The following CTNNA2 variants were observed in gnomAD, a reference collection of about 807,000 sequenced individuals.
The protein encoded by CTNNA2 is catenin alpha 2, also known as catenin alpha-2.
Under a neutral mutation model 101.0 loss-of-function variants are expected in CTNNA2, and 42 were observed. That is an observed-to-expected ratio of 0.42 (90% CI 0.32 to 0.54). CTNNA2 has a LOEUF of 0.54. CTNNA2 is among the 20% of genes least tolerant of loss of function. The pLI is 0.14. For synonymous variants in CTNNA2, 450 were observed against 456.4 expected, an observed-to-expected ratio of 0.99 and a Z score of 0.18; for missense variants, 871 against 1,223.1, an observed-to-expected ratio of 0.71 and a Z score of 4.29.
intron 7 of CTNNA2, among the ~76,000 whole-genome samples, chr2:80,295,519 G>A (rs529114221): frequency 6.6e-6 from 1 of 152,296 alleles, no homozygotes; most frequent in South Asian, 2.1e-4. Context: ...TGGAGGAATA[G>A]GAATTCAGGG....
At chr2:80,430,415 T>G (rs28610945) in intron 9 of CTNNA2, among the ~76,000 whole-genome samples, 22,313 of 152,108 alleles carry the variant, frequency 0.15, 2,516 homozygotes, top group East Asian at 0.61. Context: ...TCAAGGAAAC[T>G]AAAAGTAGCC....
intron 4 of CTNNA2, among the ~76,000 whole-genome samples, chr2:79,406,247 A>G (rs1322736907): frequency 6.6e-6 from 1 of 152,106 alleles, no homozygotes; most frequent in Non-Finnish European, 1.5e-5. Flanking sequence ...AGCGGCCTGA[A>G]GTTCAGAGTA....
At chr2:79,279,044 G>A (rs1050817920) in intron 2 of CTNNA2, among the ~76,000 whole-genome samples, 2 of 152,104 alleles carry the variant, frequency 1.3e-5, no homozygotes, top group Admixed American at 1.3e-4. Flanking sequence ...TGGAGAGATG[G>A]AACAGGGATT....
intron 1 of CTNNA2, among the ~76,000 whole-genome samples, chr2:79,591,877 T>G: frequency 6.6e-6 from 1 of 151,176 alleles, no homozygotes; most frequent in East Asian, 1.9e-4. Flanking sequence ...GAAGCTGTTT[T>G]ATTTTATCGG....
chr2:79,384,275 A>G (rs1678072169), intron 4 of CTNNA2, among the ~76,000 whole-genome samples: 1 of 152,164 alleles, frequency 6.6e-6, no homozygotes, highest in African/African-American at 2.4e-5. Flanking sequence ...TGAATCTTCT[A>G]GCGCTTTCAC....
intron 1 of CTNNA2, among the ~76,000 whole-genome samples, chr2:79,514,348 C>A (rs1214721903): frequency 6.6e-6 from 1 of 152,130 alleles, no homozygotes; most frequent in Non-Finnish European, 1.5e-5. Context: ...AACAGACACC[C>A]TTACCCATTT....
rs190539334 is a variant in CTNNA2, at chr2:79,473,571, A to C, written c.-134-31483A>C. ...TAATTATAGCGTATTCACATCAGAAATTATGTGTGCTAGAAAATAATGAAG... is the reference window on the plus strand; with the variant it reads ...TAATTATAGCGTATTCACATCAGAACTTATGTGTGCTAGAAAATAATGAAG... On this transcript the variant is annotated intron_variant, in intron 4 of 21. Coordinates refer to the CTNNA2 transcript ENST00000466387. Among the ~76,000 whole-genome samples the C allele has an allele frequency of 1.4e-4, 22 of 152,306 alleles. No individual in the cohort carries two copies. The East Asian group carries it at 3.9e-3, about 27-fold the overall frequency.
At chr2:79,981,985 A>G (rs1033961736) in intron 7 of CTNNA2, among the ~76,000 whole-genome samples, 4 of 151,618 alleles carry the variant, frequency 2.6e-5, no homozygotes, top group African/African-American at 9.7e-5. Flanking sequence ...AGATTGTTGT[A>G]AGGATTATAT....
At chr2:79,579,106 C>A (rs1271293302) in intron 1 of CTNNA2, among the ~76,000 whole-genome samples, 1 of 146,666 alleles carries the variant, frequency 6.8e-6, no homozygotes, top group East Asian at 2.0e-4. Flanking sequence ...CCCTTTATTC[C>A]TTTTTTCCTT....
intron 7 of CTNNA2, among the ~76,000 whole-genome samples, chr2:79,936,873 C>A (rs934043396): frequency 1.3e-5 from 2 of 152,164 alleles, no homozygotes; most frequent in Non-Finnish European, 2.9e-5. Context: ...TTTCTCTTAT[C>A]TCCTCCCCAC....
chr2:80,042,317 A>C (rs1003257645), intron 7 of CTNNA2, among the ~76,000 whole-genome samples: 1 of 152,114 alleles, frequency 6.6e-6, no homozygotes, highest in African/African-American at 2.4e-5. Context: ...TTTGTTTTTT[A>C]ACCATTCTTA....
chr2:79,314,741 T>C (rs1011254536), intron 3 of CTNNA2, among the ~76,000 whole-genome samples: 1 of 152,224 alleles, frequency 6.6e-6, no homozygotes, highest in African/African-American at 2.4e-5. Flanking sequence ...TCTTGCACTC[T>C]GCTATGCTAG....
At chr2:80,497,303 G>A (rs572196521) in intron 9 of CTNNA2, among the ~76,000 whole-genome samples, 1 of 152,264 alleles carries the variant, frequency 6.6e-6, no homozygotes, top group South Asian at 2.1e-4. Context: ...AATACCAGAG[G>A]CCACAGTTCT....
upstream of CTNNA2, among the ~76,000 whole-genome samples, chr2:79,512,309 A>AT (rs1311917195): frequency 6.6e-6 from 1 of 152,178 alleles, no homozygotes; most frequent in Non-Finnish European, 1.5e-5. Flanking sequence ...AAGAATCACA[A>AT]TGCCTTCCAC....
At chr2:80,015,524 G>T (rs1441927333) in intron 7 of CTNNA2, among the ~76,000 whole-genome samples, 1 of 152,148 alleles carries the variant, frequency 6.6e-6, no homozygotes, top group East Asian at 1.9e-4. Context: ...AGTTGAGGGG[G>T]TGAAGTAGAG....
At chr2:79,420,389 G>A (rs1257135109) in intron 4 of CTNNA2, among the ~76,000 whole-genome samples, 2 of 152,020 alleles carry the variant, frequency 1.3e-5, no homozygotes, top group Non-Finnish European at 2.9e-5. Context: ...AGGAAGAATC[G>A]ACAAGAAACA....
chr2:79,351,186 T>A (rs1352941879), intron 3 of CTNNA2, among the ~76,000 whole-genome samples: 2 of 152,222 alleles, frequency 1.3e-5, no homozygotes, highest in Admixed American at 6.5e-5. Flanking sequence ...TTTGAGATCT[T>A]AGTCATAAAT....
At chr2:79,866,507 C>T (rs1356694144) in intron 4 of CTNNA2, 1 of 152,170 alleles carries the variant, frequency 6.6e-6, no homozygotes, top group Non-Finnish European at 1.5e-5. Context: ...TTTCCCAATC[C>T]AGGACATAAG....
At chr2:80,168,038 A>T (rs1704811204) in intron 7 of CTNNA2, among the ~76,000 whole-genome samples, 1 of 152,140 alleles carries the variant, frequency 6.6e-6, no homozygotes, top group African/African-American at 2.4e-5. Context: ...TACCCTGAGG[A>T]CACAAAATCA....
Sources: allele counts gnomAD v4.1 joint callset (sites outside exome capture counted in the v4.1 genomes callset), GRCh38; gene constraint gnomAD v4.1.1; transcripts MANE v1.5; gene names NCBI Gene and HGNC (gene_info 2026-07-23, HGNC 2026-07-21).